ACTR2: variants seen among roughly 807,000 people sequenced by gnomAD.
The protein encoded by ACTR2 is actin-related protein 2.
ACTR2 carries 5 observed loss-of-function variants against 50.2 expected under a neutral mutation model. That is an observed-to-expected ratio of 0.10 (90% CI 0.05 to 0.21). ACTR2 has a LOEUF of 0.21. Ranked by LOEUF, ACTR2 falls within the 10% of genes least tolerant of loss-of-function variation. ACTR2 has a pLI of 1.00. For synonymous variants in ACTR2, 140 were observed against 162.9 expected, an observed-to-expected ratio of 0.86 and a Z score of 1.07; for missense variants, 180 against 480.6, an observed-to-expected ratio of 0.37 and a Z score of 5.85.
Position 65,268,635 on chromosome 2 carries a change from G to A in ACTR2, c.1086G>A (p.Ala362=), listed in dbSNP as rs574904518. ...TATTCCTGGGTGGTGCAGTTCTAGC[G>A]GATATCATGAAAGACAAAGACAACT... ...HMVFLGGAVL[A]DIMKDKDNFW... The change falls in exon 9 of 9, where the codon GCG becomes GCA. Residue 362 remains alanine (A), a synonymous_variant. Coordinates refer to ENST00000260641, the MANE Select transcript of ACTR2 (RefSeq NM_005722.4). The A allele has an allele frequency of 2.4e-5, 38 of 1,614,118 alleles. No homozygotes were observed. Among genetic ancestry groups the A allele is most frequent in the Middle Eastern group, 1.6e-4 (1 of 6,062 alleles).
chr2:65,238,513 G>T (rs1340450294), intron 1 of ACTR2, among the ~76,000 whole-genome samples: 1 of 151,594 alleles, frequency 6.6e-6, no homozygotes, highest in Non-Finnish European at 1.5e-5. Context: ...CAAAAAATTA[G>T]CTGGGTATGG....
At position 65,268,952 on chromosome 2, in the gene ACTR2, G is replaced by A; in HGVS notation, c.*218G>A. 2 of 478,964 alleles carry A rather than the reference G, an allele frequency of 4.2e-6. No homozygotes were observed. Among genetic ancestry groups the A allele is most frequent in the Non-Finnish European group, 7.5e-6 (2 of 267,316 alleles). 29.7% of individuals were successfully genotyped at this position (478,964 alleles called of 1,614,324 possible). On this transcript the variant is annotated 3_prime_UTR_variant, in exon 9 of 9. Coordinates refer to ENST00000260641, the MANE Select transcript of ACTR2 (RefSeq NM_005722.4). ...CAACTGCTTCCCTACATAGACTAGAGGGCTAAGGATTCTGTCTGCTGCTTT... is the reference window on the plus strand; with the variant it reads ...CAACTGCTTCCCTACATAGACTAGAAGGCTAAGGATTCTGTCTGCTGCTTT...
chr2:65,239,845 A>T lies in ACTR2; in HGVS notation c.49-7A>T. On this transcript the variant is annotated splice_polypyrimidine_tract_variant and splice_region_variant and intron_variant, in intron 1 of 8. Coordinates refer to ENST00000260641, the MANE Select transcript of ACTR2 (RefSeq NM_005722.4). ...TAACCCACTTTTATTTTACTGTTTCATTCCAGTTTGTGAAGTGTGGATATG... is the reference window on the plus strand; with the variant it reads ...TAACCCACTTTTATTTTACTGTTTCTTTCCAGTTTGTGAAGTGTGGATATG... 6.4e-7 allele frequency: 1 copy of T among 1,566,664 alleles called. No individual in the cohort carries two copies. Among genetic ancestry groups the T allele is most frequent in the Non-Finnish European group, 8.8e-7 (1 of 1,138,156 alleles).
chr2:65,235,574 G>A (rs62142475), intron 1 of ACTR2, among the ~76,000 whole-genome samples: 6,393 of 152,238 alleles, frequency 0.042, 157 homozygotes, highest in Non-Finnish European at 0.061. Flanking sequence ...GACCAACTTG[G>A]TGAAACCCCT....
At chr2:65,250,155 G>C (rs1235052679) in intron 3 of ACTR2, among the ~76,000 whole-genome samples, 2 of 152,012 alleles carry the variant, frequency 1.3e-5, no homozygotes, top group African/African-American at 4.8e-5. Flanking sequence ...ATGAGGTCAG[G>C]AGATGGAGAC....
intron 2 of ACTR2, among the ~76,000 whole-genome samples, chr2:65,245,397 G>A (rs907879497): frequency 7.2e-5 from 11 of 152,066 alleles, no homozygotes; most frequent in Admixed American, 3.3e-4. Flanking sequence ...GCAGGTGCCT[G>A]TAATCCCAGC....
chr2:65,257,655 G>T (rs1403084129), intron 6 of ACTR2, among the ~76,000 whole-genome samples: 1 of 152,098 alleles, frequency 6.6e-6, no homozygotes, highest in Non-Finnish European at 1.5e-5. Flanking sequence ...ACTGGCATGA[G>T]ATTTTGTGGT....
At chr2:65,257,138 C>T (rs943526876) in intron 6 of ACTR2, among the ~76,000 whole-genome samples, 1 of 151,890 alleles carries the variant, frequency 6.6e-6, no homozygotes, top group Non-Finnish European at 1.5e-5. Context: ...GTGTTGTTCC[C>T]CTCCCTGTGC....
intron 1 of ACTR2, among the ~76,000 whole-genome samples, chr2:65,232,830 T>C (rs921361079): frequency 2.0e-5 from 3 of 152,146 alleles, no homozygotes; most frequent in Non-Finnish European, 2.9e-5. Flanking sequence ...TATGGTAAAA[T>C]CTATTTCTTA....
chr2:65,252,575 G>A (rs887012494), intron 4 of ACTR2, among the ~76,000 whole-genome samples: 1 of 152,138 alleles, frequency 6.6e-6, no homozygotes, highest in African/African-American at 2.4e-5. Context: ...AACCCAGGAG[G>A]CAGAGGTTGC....
At chr2:65,252,056 G>C (rs181132791) in intron 4 of ACTR2, among the ~76,000 whole-genome samples, 229 of 152,066 alleles carry the variant, frequency 1.5e-3, no homozygotes, top group Non-Finnish European at 2.4e-3. Flanking sequence ...GTGTGGCACT[G>C]GAAATGGGTC....
chr2:65,239,989 T>C, intron 2 of ACTR2, 27 bp downstream of exon 2: 1 of 1,411,028 alleles, frequency 7.1e-7, no homozygotes, highest in Middle Eastern at 1.8e-4. Context: ...TGATAAATGA[T>C]AATCAAGACA....
intron 4 of ACTR2, among the ~76,000 whole-genome samples, chr2:65,252,743 C>A (rs1672077384): frequency 6.6e-6 from 1 of 152,096 alleles, no homozygotes. Context: ...CCAAGGTGGT[C>A]AAATTGCTGT....
At chr2:65,237,190 A>G (rs1671754848) in intron 1 of ACTR2, among the ~76,000 whole-genome samples, 3 of 152,204 alleles carry the variant, frequency 2.0e-5, no homozygotes, top group South Asian at 2.1e-4. Flanking sequence ...CCTTTCTTAT[A>G]TAGCTTCCTC....
chr2:65,263,176 G>A (rs1237943208), intron 7 of ACTR2, among the ~76,000 whole-genome samples: 3 of 150,752 alleles, frequency 2.0e-5, no homozygotes, highest in South Asian at 2.1e-4. Context: ...AATTGCAGAC[G>A]TGAGCCACCA....
intron 6 of ACTR2, among the ~76,000 whole-genome samples, chr2:65,256,383 T>C (rs1243359915): frequency 6.6e-6 from 1 of 152,196 alleles, no homozygotes; most frequent in Non-Finnish European, 1.5e-5. Context: ...ACTTGAATTT[T>C]TAATGAATTA....
At chr2:65,239,792 T>C in intron 1 of ACTR2, 60 bp from the exon 2 acceptor site, 3 of 1,051,824 alleles carry the variant, frequency 2.9e-6, no homozygotes, top group Non-Finnish European at 4.4e-6. Context: ...TCAGATGCTG[T>C]CTTAAAATAT....
intron 2 of ACTR2, among the ~76,000 whole-genome samples, chr2:65,244,008 T>G (rs1671889115): frequency 6.6e-6 from 1 of 152,186 alleles, no homozygotes; most frequent in African/African-American, 2.4e-5. Flanking sequence ...GCTTGTATAG[T>G]CAAACTTTGT....
Position 65,249,652 on chromosome 2 carries a change from G to A in ACTR2, c.376-1375G>A, listed in dbSNP as rs564708866. Among the ~76,000 whole-genome samples, 17 of 152,216 alleles carry A rather than the reference G, an allele frequency of 1.1e-4. No individual in the cohort carries two copies. In the East Asian group the frequency reaches 3.1e-3, roughly 28 times the overall value. On this transcript the variant is annotated intron_variant, in intron 3 of 8. Coordinates refer to ENST00000260641, the MANE Select transcript of ACTR2 (RefSeq NM_005722.4). ...AAATTTCTAAATATTTAGATATTCAGAGTGATAGGCAACCCTACCAGTCAA... is the reference window on the plus strand; with the variant it reads ...AAATTTCTAAATATTTAGATATTCAAAGTGATAGGCAACCCTACCAGTCAA...
Sources: allele counts gnomAD v4.1 joint callset (sites outside exome capture counted in the v4.1 genomes callset), GRCh38; gene constraint gnomAD v4.1.1; transcripts MANE v1.5; gene names NCBI Gene and HGNC (gene_info 2026-07-23, HGNC 2026-07-21).